MAGI2: variants seen among roughly 807,000 people sequenced by gnomAD.
MAGI2 encodes membrane associated guanylate kinase, WW and PDZ domain containing 2, also known as membrane-associated guanylate kinase, WW and PDZ domain-containing protein 2.
In MAGI2, 35 loss-of-function variants were observed where a neutral mutation model predicts 133.3. The ratio of observed to expected loss-of-function variants is 0.26; its 90% CI spans 0.20 to 0.35. The LOEUF (loss-of-function observed/expected upper bound fraction) is 0.35, where lower values mean the gene tolerates loss of function less well. Ranked by LOEUF, MAGI2 falls within the 10% of genes least tolerant of loss-of-function variation. The pLI is 1.00. For missense variants in MAGI2, 1,636 were observed against 1,863.4 expected (o/e 0.88, Z 2.25); for synonymous variants, 729 against 710.6 (o/e 1.03, Z -0.41).
chr7:78,277,731 G>A (rs530203812), intron 9 of MAGI2, among the ~76,000 whole-genome samples: 18 of 152,236 alleles, frequency 1.2e-4, no homozygotes, highest in African/African-American at 3.8e-4. Flanking sequence ...CATTGATTTC[G>A]CCAAGTGGGT....
chr7:78,755,390 A>G (rs1350415700), intron 2 of MAGI2, among the ~76,000 whole-genome samples: 1 of 152,208 alleles, frequency 6.6e-6, no homozygotes, highest in Non-Finnish European at 1.5e-5. Flanking sequence ...GGTTTAATGT[A>G]TATTTGCAAT....
intron 2 of MAGI2, among the ~76,000 whole-genome samples, chr7:78,813,736 A>C (rs1487003797): frequency 1.4e-5 from 2 of 144,366 alleles, no homozygotes; most frequent in African/African-American, 5.1e-5. Context: ...CAGTGAGCTG[A>C]GATCGCGCCA....
At chr7:78,075,935 T>C (rs1227673506) in intron 21 of MAGI2, among the ~76,000 whole-genome samples, 1 of 152,226 alleles carries the variant, frequency 6.6e-6, no homozygotes, top group African/African-American at 2.4e-5. Flanking sequence ...AGTTTGACTA[T>C]TGTTTTACTT....
At chr7:78,958,917 G>A (rs1229056707) in intron 2 of MAGI2, among the ~76,000 whole-genome samples, 1 of 152,134 alleles carries the variant, frequency 6.6e-6, no homozygotes, top group Non-Finnish European at 1.5e-5. Flanking sequence ...CTGATATTTA[G>A]TGATGATGTT....
At chr7:78,702,835 G>A (rs1378356737) in intron 2 of MAGI2, among the ~76,000 whole-genome samples, 1 of 151,978 alleles carries the variant, frequency 6.6e-6, no homozygotes, top group Non-Finnish European at 1.5e-5. Context: ...GTGTTTGTGA[G>A]TATTTGTGAA....
chr7:79,071,814 C>A (rs1815009897), intron 1 of MAGI2, among the ~76,000 whole-genome samples: 1 of 152,198 alleles, frequency 6.6e-6, no homozygotes, highest in East Asian at 1.9e-4. Flanking sequence ...CCCTCCCCAC[C>A]ATGTTGGAGC....
intron 1 of MAGI2, among the ~76,000 whole-genome samples, chr7:79,226,561 T>C (rs1266670536): frequency 1.3e-5 from 2 of 152,206 alleles, no homozygotes; most frequent in African/African-American, 4.8e-5. Flanking sequence ...AATACATTGA[T>C]AGGAAACAGG....
intron 2 of MAGI2, among the ~76,000 whole-genome samples, chr7:78,847,355 G>A (rs1332771827): frequency 6.6e-6 from 1 of 151,932 alleles, no homozygotes; most frequent in African/African-American, 2.4e-5. Context: ...AAAAAGGCTC[G>A]TGGCTTGCGA....
intron 7 of MAGI2, among the ~76,000 whole-genome samples, chr7:78,360,296 A>C (rs1792641918): frequency 6.6e-6 from 1 of 152,220 alleles, no homozygotes; most frequent in African/African-American, 2.4e-5. Flanking sequence ...TCCAGAAAGA[A>C]TTATTTTCCA....
intron 1 of MAGI2, among the ~76,000 whole-genome samples, chr7:79,361,868 G>T (rs1842398125): frequency 6.6e-6 from 1 of 152,004 alleles, no homozygotes; most frequent in Non-Finnish European, 1.5e-5. Flanking sequence ...TTCAAAGGAA[G>T]TAATATAAAT....
At chr7:78,394,444 C>T (rs1033989218) in intron 6 of MAGI2, among the ~76,000 whole-genome samples, 1 of 152,146 alleles carries the variant, frequency 6.6e-6, no homozygotes, top group African/African-American at 2.4e-5. Flanking sequence ...TGTCCTCTGC[C>T]ACAGAAACCT....
chr7:78,127,271 G>A lies in MAGI2; in HGVS notation c.3349C>T (p.Pro1117Ser). The change falls in exon 19 of 22, where the codon CCT becomes TCT. Residue 1117 changes from proline to serine, a missense_variant. Around this residue, in one of 5 missense-constraint regions of MAGI2, gnomAD observed 920 missense variants for 1,093.5 expected, o/e 0.84. Transcript: ENST00000354212. ...QQPPPLDYRQPPLLDYRQHSP... is the reference protein window; with the variant it reads ...QQPPPLDYRQSPLLDYRQHSP... ...TGCTGCCTGTAGTCCAGTAGGGGAG[G>A]CTGCCTGTAGTCCAAGGGTGGGGGC... 1 of 1,606,702 alleles carries A rather than the reference G, an allele frequency of 6.2e-7. No individual in the cohort carries two copies. Among genetic ancestry groups the A allele is most frequent in the Non-Finnish European group, 8.5e-7 (1 of 1,175,362 alleles).
chr7:78,423,525 T>C (rs1430520436), intron 6 of MAGI2, among the ~76,000 whole-genome samples: 1 of 152,160 alleles, frequency 6.6e-6, no homozygotes, highest in African/African-American at 2.4e-5. Context: ...GAAGCAACTT[T>C]GGAATTGGAT....
intron 10 of MAGI2, among the ~76,000 whole-genome samples, chr7:78,242,809 A>G (rs6950629): frequency 0.16 from 24,615 of 152,036 alleles, 2,642 homozygotes; most frequent in East Asian, 0.33. Context: ...CAGGTATGGT[A>G]GCTCATGCCT....
intron 2 of MAGI2, among the ~76,000 whole-genome samples, chr7:78,721,429 T>C (rs1336448261): frequency 6.6e-6 from 1 of 152,020 alleles, no homozygotes; most frequent in Non-Finnish European, 1.5e-5. Flanking sequence ...TGCCTGTACC[T>C]TCAAGTTACC....
chr7:79,380,221 T>C (rs1047598745), intron 1 of MAGI2, among the ~76,000 whole-genome samples: 5 of 151,826 alleles, frequency 3.3e-5, no homozygotes, highest in Non-Finnish European at 7.4e-5. Flanking sequence ...ACCTACAGAA[T>C]GGGAGAAAAT....
chr7:79,442,313 G>A lies in MAGI2; in HGVS notation c.301+10707C>T, dbSNP rs980425954. Among the ~76,000 whole-genome samples, 3 of 152,154 alleles carry A rather than the reference G, an allele frequency of 2.0e-5. No homozygotes were observed. In the South Asian group the frequency reaches 6.2e-4, roughly 32 times the overall value. On this transcript the variant is annotated intron_variant, in intron 1 of 21. Transcript: ENST00000354212. ...TGAAAATTGATGGGTGACTATGCAAGCTTTCCAGCTTGATTTGTCACACAT... is the reference window on the plus strand; with the variant it reads ...TGAAAATTGATGGGTGACTATGCAAACTTTCCAGCTTGATTTGTCACACAT...
At chr7:78,287,024 C>T (rs1428582644) in intron 9 of MAGI2, among the ~76,000 whole-genome samples, 3 of 152,066 alleles carry the variant, frequency 2.0e-5, no homozygotes, top group African/African-American at 7.2e-5. Context: ...GTATTCCAGG[C>T]TAAGGAATTA....
rs77136629 is a variant in MAGI2, at chr7:78,905,507, C to T, written c.418+101583G>A. Among the ~76,000 whole-genome samples the T allele has an allele frequency of 9.6e-3, 1,460 of 152,242 alleles. 14 individuals are homozygous for T. Among genetic ancestry groups the T allele is most frequent in the South Asian group, 0.05 (240 of 4,820 alleles). ...TGCATGTTCAGTATTTAGTGCATTG[C>T]CTGGCATTTACTAAGTGCTCAATAA... On this transcript the variant is annotated intron_variant, in intron 2 of 21. Transcript: ENST00000354212.
Sources: allele counts gnomAD v4.1 joint callset (sites outside exome capture counted in the v4.1 genomes callset), GRCh38; gene constraint gnomAD v4.1.1; regional missense constraint gnomAD v4.1.1; transcripts MANE v1.5; gene names NCBI Gene and HGNC (gene_info 2026-07-23, HGNC 2026-07-21).